Variants in ZNF354C observed in about 807,000 individuals in gnomAD.
The protein encoded by ZNF354C is KRAB-zinc finger protein synten.
A neutral mutation model predicts 12.4 loss-of-function variants in ZNF354C; 7 were observed. The ratio of observed to expected loss-of-function variants is 0.56; its 90% CI spans 0.32 to 1.06. ZNF354C has a LOEUF of 1.06. Among genes scored for constraint, ZNF354C ranks in the 50% least tolerant of loss-of-function variants. ZNF354C has a pLI of 0.04. For synonymous variants in ZNF354C, 202 were observed against 224.5 expected (o/e 0.90, Z 0.90); for missense variants, 609 against 658.0 (o/e 0.93, Z 0.81).
chr5:179,061,958 T>A (rs963484795), intron 1 of ZNF354C, 57 bp from the exon 2 acceptor site: 4 of 1,220,826 alleles, frequency 3.3e-6, no homozygotes, highest in Non-Finnish European at 3.6e-6. Flanking sequence ...TGTAACTTCC[T>A]CTCTCCAAGC....
chr5:179,079,645 A>G lies in ZNF354C; in HGVS notation c.1213A>G (p.Ile405Val). 2 of 1,614,212 alleles carry G rather than the reference A, an allele frequency of 1.2e-6. No homozygotes were observed. Among genetic ancestry groups the G allele is most frequent in the Non-Finnish European group, 1.7e-6 (2 of 1,180,034 alleles). Reference sequence around the variant, plus strand: ...TGTAACCCTTATCGAACATCAGCGAATTCACACTGGACAAAAACCTTATCA... The same window carrying G: ...TGTAACCCTTATCGAACATCAGCGAGTTCACACTGGACAAAAACCTTATCA... ...RIVTLIEHQR[I>V]HTGQKPYQCN... The change falls in exon 5 of 5, where the codon ATT becomes GTT. Residue 405 changes from isoleucine (I) to valine (V), a missense_variant. Ile to Val is a conservative substitution (Grantham distance 29). Transcript: ENST00000315475. This position sits in a 1 kb window ranked among gnomAD's most constrained non-coding sequence, Gnocchi z 4.2.
At chr5:179,078,611 T>A in intron 4 of ZNF354C, 72 bp from the exon 5 acceptor site, 1 of 1,237,148 alleles carries the variant, frequency 8.1e-7, no homozygotes, top group South Asian at 1.5e-5. Flanking sequence ...TGTTACCAGT[T>A]TTTTTGTCTC....
chr5:179,064,145 T>C (rs970669533), intron 2 of ZNF354C, among the ~76,000 whole-genome samples: 3 of 152,202 alleles, frequency 2.0e-5, no homozygotes, highest in Admixed American at 6.5e-5. Context: ...CAGAGGTAGG[T>C]TTGTTTGCAA....
At chr5:179,067,997 A>C (rs917922878) in intron 2 of ZNF354C, among the ~76,000 whole-genome samples, 3 of 152,156 alleles carry the variant, frequency 2.0e-5, no homozygotes, top group African/African-American at 7.2e-5. Flanking sequence ...CTGGCTCTAC[A>C]GAAAAACAAG....
At chr5:179,071,026 T>C (rs2113115686) in intron 2 of ZNF354C, among the ~76,000 whole-genome samples, 1 of 152,028 alleles carries the variant, frequency 6.6e-6, no homozygotes. Flanking sequence ...TTTTTTTTTG[T>C]ATTTTTAGTA....
Position 179,082,085 on chromosome 5 carries a change from C to G in ZNF354C, c.*1988C>G, listed in dbSNP as rs1762235150. The stretch of plus-strand genomic sequence containing the variant: ...ATTTGGAAAAATTACCATTTTACAA[C>G]CCTTAATGTAATTAAATCTGGCAAA... On this transcript the variant is annotated 3_prime_UTR_variant, in exon 5 of 5. Transcript: ENST00000315475. The G allele has an allele frequency of 6.6e-6, 1 of 152,346 alleles. No homozygotes were observed. The highest frequency in any genetic ancestry group is 2.4e-5 in the African/African-American group (1 of 41,558). 9.4% of individuals were successfully genotyped at this position (152,346 alleles called of 1,614,324 possible).
chr5:179,071,621 G>T (rs2113116519), intron 2 of ZNF354C, among the ~76,000 whole-genome samples: 1 of 152,248 alleles, frequency 6.6e-6, no homozygotes, highest in South Asian at 2.1e-4. Context: ...CTTTTTGCCT[G>T]GGAGTAGGCC....
chr5:179,080,064 A>AT lies in ZNF354C; in HGVS notation c.1638dup (p.Lys547Ter), dbSNP rs756751629. 8.1e-6 allele frequency: 13 copies of AT among 1,597,090 alleles called. No homozygotes were observed. The highest frequency in any genetic ancestry group is 1.0e-5 in the Non-Finnish European group (12 of 1,174,248). On this transcript the variant is annotated frameshift_variant, in exon 5 of 5. Coordinates refer to ENST00000315475, the MANE Select transcript of ZNF354C (RefSeq NM_014594.3). LOFTEE classifies it high-confidence loss of function. ...GCTCCTCACTTACCCAGTATCAGAG[A>AT]TTTTTTAAAGGAGATAAAGCCTATG...
At position 179,078,889 on chromosome 5, in the gene ZNF354C, A is replaced by G. The variant is rs1381864883; in HGVS notation, c.457A>G (p.Thr153Ala). ...ACAAATGATAGATTCGCATGAGAAA[A>G]CCATCAGTGAAGATGGAAACCATAC... The part of the protein sequence containing the change: ...LRQMIDSHEK[T>A]ISEDGNHTSL... The change falls in exon 5 of 5, where the codon ACC becomes GCC. Residue 153 changes from threonine to alanine, a missense_variant. By Grantham distance (58) the Thr-to-Ala change is moderately conservative. Coordinates refer to ENST00000315475, the MANE Select transcript of ZNF354C (RefSeq NM_014594.3). The G allele has an allele frequency of 1.9e-6, 3 of 1,614,086 alleles. No individual in the cohort carries two copies. The South Asian group carries it at 3.3e-5, about 18-fold the overall frequency.
chr5:179,079,963 C>T lies in ZNF354C; in HGVS notation c.1531C>T (p.Leu511Phe), dbSNP rs780221454. 3.1e-6 allele frequency: 5 copies of T among 1,614,006 alleles called. No individual in the cohort carries two copies. The highest frequency in any genetic ancestry group is 3.4e-6 in the Non-Finnish European group (4 of 1,179,940). ...CGKAYSYRSN[L>F]CRHKKVHTKE... is the part of the protein sequence containing the mutation. ...GAAAGCCTACAGTTACAGATCAAACCTTTGTAGACACAAAAAAGTTCACAC... is the reference window on the plus strand; with the variant it reads ...GAAAGCCTACAGTTACAGATCAAACTTTTGTAGACACAAAAAAGTTCACAC... Residue 511 changes from leucine (L) to phenylalanine (F), a missense_variant, in exon 5 of 5, where the codon CTT becomes TTT. By Grantham distance (22) the Leu-to-Phe change is conservative (BLOSUM62 0). Transcript: ENST00000315475. The surrounding 1 kb of genome is among the most constrained non-coding windows in gnomAD (Gnocchi z 4.2).
chr5:179,070,033 C>T (rs1053517276), intron 2 of ZNF354C, among the ~76,000 whole-genome samples: 6 of 152,264 alleles, frequency 3.9e-5, no homozygotes, highest in African/African-American at 1.2e-4. Context: ...TTTTGCAGAC[C>T]GGTACCAGCT....
rs141330585 is a variant in ZNF354C at position 179,064,406 on chromosome 5, G to A, written c.27+2311G>A. Among the ~76,000 whole-genome samples, 640 of 150,064 alleles carry A rather than the reference G, an allele frequency of 4.3e-3. 4 individuals carry two copies. The highest frequency in any genetic ancestry group is 0.014 in the African/African-American group (580 of 40,736). On this transcript the variant is annotated intron_variant, in intron 2 of 4. Coordinates refer to ENST00000315475, the MANE Select transcript of ZNF354C (RefSeq NM_014594.3). ...ATTATAGGTGTGAGCAACTGTGCCC[G>A]GCCAATATGTAACCCCCCTTTTTTT...
intron 2 of ZNF354C, among the ~76,000 whole-genome samples, chr5:179,068,761 A>G (rs1350841490): frequency 2.0e-5 from 3 of 152,194 alleles, no homozygotes; most frequent in African/African-American, 7.2e-5. Context: ...GCACCATAGC[A>G]AAATACCAGA....
chr5:179,076,672 C>T (rs1163695164), intron 3 of ZNF354C, 101 bp downstream of exon 3: 33 of 1,454,348 alleles, frequency 2.3e-5, no homozygotes, highest in Non-Finnish European at 2.8e-5. Flanking sequence ...CTGAGCCCCT[C>T]AGAAAGGCTG....
At chr5:179,077,247 T>C (rs537859868) in intron 4 of ZNF354C, 81 bp downstream of exon 4, 1 of 1,117,552 alleles carries the variant, frequency 8.9e-7, no homozygotes, top group East Asian at 2.4e-5. Flanking sequence ...TGGGAAACTC[T>C]TGGAAATACT....
Position 179,083,174 on chromosome 5 carries a change from A to G in ZNF354C, c.*3077A>G, listed in dbSNP as rs1382735685. 1.2e-5 allele frequency: 5 copies of G among 401,594 alleles called. No homozygotes were observed. Among genetic ancestry groups the G allele is most frequent in the African/African-American group, 4.1e-5 (2 of 48,436 alleles). The allele number at this position is 401,594 out of a possible 1,614,324, so 24.9% of individuals were successfully genotyped here. ...TAAGACAAGAGACATAACCAAATGG[A>G]AAGTGTGATCCTTTATTAGCTTCTG... is the stretch of plus-strand genomic sequence containing the variant. On this transcript the variant is annotated 3_prime_UTR_variant, in exon 5 of 5. Transcript: ENST00000315475.
At chr5:179,076,042 A>T (rs1762115796) in intron 2 of ZNF354C, among the ~76,000 whole-genome samples, 1 of 152,158 alleles carries the variant, frequency 6.6e-6, no homozygotes, top group South Asian at 2.1e-4. Flanking sequence ...TCAGGGGAAA[A>T]TCTGTTTCCT....
chr5:179,067,166 A>T (rs903826115), intron 2 of ZNF354C, among the ~76,000 whole-genome samples: 1 of 152,188 alleles, frequency 6.6e-6, no homozygotes, highest in Admixed American at 6.5e-5. Context: ...CTCAGCTGAG[A>T]GATTTAAAGA....
At chr5:179,062,169 T>A in intron 2 of ZNF354C, 74 bp downstream of exon 2, 1 of 1,589,850 alleles carries the variant, frequency 6.3e-7, no homozygotes, top group Non-Finnish European at 8.6e-7. Flanking sequence ...GTTTCCAGAC[T>A]TTGTCCAGGT....
Sources: gnomAD v4.1 joint callset for allele counts (sites outside exome capture counted in the v4.1 genomes callset) on GRCh38, gnomAD v4.1.1 for gene constraint, Gnocchi (gnomAD v3.1) non-coding constraint, MANE v1.5 for transcripts, NCBI Gene and HGNC (gene_info 2026-07-23, HGNC 2026-07-21) for gene names.